The following UTP6 variants were observed in gnomAD, a reference collection of about 807,000 sequenced individuals.
UTP6 encodes UTP6 small subunit processome component, also known as U3 small nucleolar RNA-associated protein 6 homolog.
Under a neutral mutation model 96.5 loss-of-function variants are expected in UTP6, and 60 were observed. That is an observed-to-expected ratio of 0.62 (90% confidence interval 0.51 to 0.77). The LOEUF is 0.77. Ranked by LOEUF, UTP6 falls within the 30% of genes least tolerant of loss-of-function variation. The pLI, the probability that UTP6 is intolerant of heterozygous loss-of-function variation, is 0.00. For synonymous variants in UTP6, 215 were observed against 240.1 expected, an observed-to-expected ratio of 0.90 and a Z score of 0.96; for missense variants, 637 against 706.5, an observed-to-expected ratio of 0.90 and a Z score of 1.12.
At chr17:31,890,403 G>T (rs1326558904) in intron 6 of UTP6, among the ~76,000 whole-genome samples, 1 of 151,694 alleles carries the variant, frequency 6.6e-6, no homozygotes, top group African/African-American at 2.4e-5. Context: ...ATCACTTGAT[G>T]TCAGGAGTTT....
rs1904992644 is a variant in UTP6 at position 31,901,689 on chromosome 17, C to A, written c.-62G>T. The A allele has an allele frequency of 1.9e-6, 3 of 1,551,352 alleles. No individual in the cohort carries two copies. The highest frequency in any genetic ancestry group is 1.7e-5 in the Admixed American group (1 of 59,678). On this transcript the variant is annotated 5_prime_UTR_variant, in exon 1 of 19. Coordinates refer to ENST00000261708, the MANE Select transcript of UTP6 (RefSeq NM_018428.3). ...AACAGCGAACACGAGCAGGAAGCTC[C>A]CGGTTTCAGGTTCGGAGACCCAGCC...
intron 16 of UTP6, among the ~76,000 whole-genome samples, chr17:31,870,862 C>G (rs1344086282): frequency 6.6e-6 from 1 of 151,946 alleles, no homozygotes; most frequent in Non-Finnish European, 1.5e-5. Context: ...GTCACCAAGG[C>G]TGGAGTGTAC....
chr17:31,866,286 CAAAAAAA>C (rs869110895), intron 17 of UTP6, among the ~76,000 whole-genome samples: 1 of 58,066 alleles, frequency 1.7e-5, no homozygotes, highest in Non-Finnish European at 3.9e-5. Flanking sequence ...GACTCTGTCT[CAAAAAAA>C]AAAAAAAAAA....
intron 12 of UTP6, 44 bp from the exon 13 acceptor site, chr17:31,878,371 AG>A: frequency 6.3e-7 from 1 of 1,590,612 alleles, no homozygotes; most frequent in Non-Finnish European, 8.6e-7. Context: ...AGATCCCAGC[AG>A]GGGCCTCTGG....
chr17:31,864,557 A>G (rs1433334875), intron 18 of UTP6, among the ~76,000 whole-genome samples: 1 of 152,198 alleles, frequency 6.6e-6, no homozygotes, highest in Non-Finnish European at 1.5e-5. Flanking sequence ...CCTTTCATGT[A>G]ACTCTAAATA....
At position 31,863,581 on chromosome 17, in the gene UTP6, T is replaced by C. The variant is rs1044367732; in HGVS notation, c.1637-65A>G. The C allele has an allele frequency of 2.9e-6, 4 of 1,380,798 alleles. No homozygotes were observed. The African/African-American group carries it at 4.4e-5, about 15-fold the overall frequency. 85.5% of individuals were successfully genotyped at this position (1,380,798 alleles called of 1,614,324 possible). On this transcript the variant is annotated intron_variant, in intron 18 of 18. Coordinates refer to ENST00000261708, the MANE Select transcript of UTP6 (RefSeq NM_018428.3). ...TGTTATTAGGTAACCTTATTAAATA[T>C]CAATTCAACTCAAGATTTCTAAGAA...
intron 2 of UTP6, among the ~76,000 whole-genome samples, chr17:31,897,677 GA>G (rs1904737614): frequency 6.6e-6 from 1 of 151,984 alleles, no homozygotes; most frequent in Non-Finnish European, 1.5e-5. Flanking sequence ...TCGAACTCCT[GA>G]CCACAGGTGA....
intron 2 of UTP6, among the ~76,000 whole-genome samples, chr17:31,896,899 G>T (rs543180648): frequency 3.3e-5 from 5 of 151,872 alleles, no homozygotes; most frequent in African/African-American, 1.2e-4. Flanking sequence ...CACGTGAGCC[G>T]CCACGCCCCT....
rs1168478878 is a variant in UTP6, at chr17:31,863,372, G to A, written c.1781C>T (p.Thr594Ile). ...AFVAKHAMHQ[T>I]GHL ...TATTCTTCATCTTCATAAATGGCCAGTCTGATGCATAGCATGTTTAGCTAC... is the reference window on the plus strand; with the variant it reads ...TATTCTTCATCTTCATAAATGGCCAATCTGATGCATAGCATGTTTAGCTAC... The change falls in exon 19 of 19, where the codon ACT becomes ATT. Residue 594 changes from threonine to isoleucine, a missense_variant. Coordinates refer to ENST00000261708, the MANE Select transcript of UTP6 (RefSeq NM_018428.3). The A allele has an allele frequency of 1.2e-6, 2 of 1,612,990 alleles. No homozygotes were observed. Among genetic ancestry groups the A allele is most frequent in the Non-Finnish European group, 1.7e-6 (2 of 1,179,796 alleles).
intron 16 of UTP6, among the ~76,000 whole-genome samples, chr17:31,872,140 A>AGCCGAGACT (rs1910209727): frequency 6.6e-6 from 1 of 151,012 alleles, no homozygotes; most frequent in East Asian, 2.0e-4. Flanking sequence ...AGTTGCAGTG[A>AGCCGAGACT]GCCGAGACTG....
chr17:31,865,502 C>T, intron 17 of UTP6, 64 bp from the exon 18 acceptor site: 1 of 1,504,748 alleles, frequency 6.6e-7, no homozygotes, highest in Non-Finnish European at 9.2e-7. Context: ...TCATTCCAAC[C>T]ATATTGTTAA....
At chr17:31,878,550 C>A (rs1910633271) in intron 12 of UTP6, 152 bp downstream of exon 12, 2 of 854,946 alleles carry the variant, frequency 2.3e-6, no homozygotes. Context: ...AGACTCAGAC[C>A]TTTAGAATGT....
chr17:31,901,284 T>C, intron 1 of UTP6: 1 of 489,836 alleles, frequency 2.0e-6, no homozygotes, highest in Non-Finnish European at 3.8e-6. Flanking sequence ...AATCCTGGGT[T>C]TATCACCTTT....
intron 11 of UTP6, 127 bp downstream of exon 11, chr17:31,880,446 A>C: frequency 1.6e-5 from 17 of 1,053,612 alleles, no homozygotes; most frequent in East Asian, 7.8e-5. Flanking sequence ...AAAAAAGGCC[A>C]GGCTCATCGT....
chr17:31,873,617 C>T lies in UTP6; in HGVS notation c.1386+56G>A, dbSNP rs1253736304. ...CACCTGCAACACTAGAGCTGACCAA[C>T]CAGGGAACCTTCTGCCATTCCCCAC... is the stretch of plus-strand genomic sequence containing the variant. On this transcript the variant is annotated intron_variant, in intron 15 of 18. Transcript: ENST00000261708. 8.1e-6 allele frequency: 13 copies of T among 1,612,450 alleles called. No homozygotes were observed. The South Asian group carries it at 1.3e-4, about 16-fold the overall frequency.
Position 31,897,443 on chromosome 17 carries a change from CTTTT to C in UTP6, c.177+2199_177+2202del, listed in dbSNP as rs397857995. Among the ~76,000 whole-genome samples the C allele has an allele frequency of 2.9e-5, 3 of 103,216 alleles. No homozygotes were observed. In the Admixed American group the frequency reaches 3.4e-4, roughly 12 times the overall value. 67.7% of individuals were successfully genotyped at this position (103,216 alleles called of 152,430 possible). On this transcript the variant is annotated intron_variant, in intron 2 of 18. Transcript: ENST00000261708. ...TAAATCTAAGCTCAAAACTTCTAGTCTTTTTTTTTTTTTTTTTTTTTGAGATGGA... is the reference window on the plus strand; with the variant it reads ...TAAATCTAAGCTCAAAACTTCTAGTCTTTTTTTTTTTTTTTTTGAGATGGA...
chr17:31,865,573 C>G (rs1380100556), intron 17 of UTP6, 135 bp from the exon 18 acceptor site: 1 of 793,642 alleles, frequency 1.3e-6, no homozygotes, highest in Non-Finnish European at 2.0e-6. Context: ...ACTTGGCTCT[C>G]AACTTTTCTA....
At chr17:31,874,499 T>C (rs1415433511) in intron 14 of UTP6, among the ~76,000 whole-genome samples, 1 of 151,878 alleles carries the variant, frequency 6.6e-6, no homozygotes, top group Non-Finnish European at 1.5e-5. Flanking sequence ...TGAGCCAAGT[T>C]TGCACCACTG....
rs537896397 is a variant in UTP6 at position 31,870,018 on chromosome 17, T to C, written c.1497-1906A>G. Among the ~76,000 whole-genome samples, 27 of 152,376 alleles carry C rather than the reference T, an allele frequency of 1.8e-4. No individual in the cohort carries two copies. The South Asian group carries it at 3.1e-3, about 18-fold the overall frequency. ...AAGAACATGATTTTGTTGTTCTTTA[T>C]GGCTGCATAGTATTCCATAGAGTAT... On this transcript the variant is annotated intron_variant, in intron 16 of 18. Transcript: ENST00000261708.
Sources: allele counts gnomAD v4.1 joint callset (sites outside exome capture counted in the v4.1 genomes callset), GRCh38; gene constraint gnomAD v4.1.1; transcripts MANE v1.5; gene names NCBI Gene and HGNC (gene_info 2026-07-23, HGNC 2026-07-21).